Variants in TLL2 observed in about 807,000 individuals in gnomAD.
The protein encoded by TLL2 is tolloid like 2, also known as tolloid-like protein 2.
TLL2 carries 106 observed loss-of-function variants against 123.0 expected under a neutral mutation model. The observed-to-expected ratio is 0.86, with a 90% CI of 0.74 to 1.01. The LOEUF is 1.01. TLL2 is among the 50% of genes least tolerant of loss of function. The pLI is 0.00. For synonymous variants in TLL2, 494 were observed against 516.8 expected (o/e 0.96, Z 0.60); for missense variants, 1,332 against 1,336.7 (o/e 1.00, Z 0.06).
Position 96,459,788 on chromosome 10 carries a change from T to C in TLL2, c.287-13620A>G, listed in dbSNP as rs981611795. Among the ~76,000 whole-genome samples, 13 of 128,472 alleles carry C rather than the reference T, an allele frequency of 1.0e-4. No individual in the cohort carries two copies. In the Admixed American group the frequency reaches 1.2e-3, roughly 11 times the overall value. 84.3% of individuals were successfully genotyped at this position (128,472 alleles called of 152,430 possible). A position where few individuals can be genotyped will look rare whatever the true frequency, so the allele number is the denominator to read the frequency against. Reference sequence around the variant, plus strand: ...TGGATATAAATGCTAACTCTATATATAAAAACACACTCTCTGATAGAGGAG... The same window carrying C: ...TGGATATAAATGCTAACTCTATATACAAAAACACACTCTCTGATAGAGGAG... On this transcript the variant is annotated intron_variant, in intron 2 of 20. Coordinates refer to ENST00000357947, the MANE Select transcript of TLL2 (RefSeq NM_012465.4).
intron 1 of TLL2, among the ~76,000 whole-genome samples, chr10:96,484,224 C>G (rs974010038): frequency 6.6e-6 from 1 of 152,114 alleles, no homozygotes; most frequent in African/African-American, 2.4e-5. Flanking sequence ...AGACCCAGCA[C>G]ATGGTTTGCC....
chr10:96,487,545 G>A (rs1847369398), intron 1 of TLL2, among the ~76,000 whole-genome samples: 1 of 152,176 alleles, frequency 6.6e-6, no homozygotes, highest in African/African-American at 2.4e-5. Context: ...ATTGGCAGGG[G>A]TAGGGGTGGG....
chr10:96,445,879 G>C (rs1250658155), intron 3 of TLL2, among the ~76,000 whole-genome samples: 1 of 152,194 alleles, frequency 6.6e-6, no homozygotes, highest in Non-Finnish European at 1.5e-5. Flanking sequence ...AGGGAAGGGA[G>C]AATGGGAGTG....
chr10:96,435,942 G>A (rs1846791510), intron 3 of TLL2, among the ~76,000 whole-genome samples: 2 of 152,144 alleles, frequency 1.3e-5, no homozygotes, highest in African/African-American at 4.8e-5. Context: ...GTTCCATTTA[G>A]ACTTTCTTCT....
chr10:96,396,113 C>A (rs1846337582), intron 11 of TLL2, 93 bp from the exon 12 acceptor site: 1 of 1,498,268 alleles, frequency 6.7e-7, no homozygotes, highest in Non-Finnish European at 9.0e-7. Context: ...ACAGCGCTTG[C>A]CACCACTAGG....
intron 2 of TLL2, among the ~76,000 whole-genome samples, chr10:96,450,767 C>T (rs1342087505): frequency 6.6e-6 from 1 of 152,094 alleles, no homozygotes; most frequent in Non-Finnish European, 1.5e-5. Context: ...CAGCCTGATG[C>T]AGACAAAGAC....
chr10:96,471,553 G>A (rs1395324442), intron 2 of TLL2, among the ~76,000 whole-genome samples: 3 of 152,242 alleles, frequency 2.0e-5, no homozygotes, highest in African/African-American at 7.2e-5. Flanking sequence ...GGCCAACCCT[G>A]CGGGTATTAC....
At chr10:96,500,026 A>G (rs1267614080) in intron 1 of TLL2, among the ~76,000 whole-genome samples, 1 of 151,120 alleles carries the variant, frequency 6.6e-6, no homozygotes, top group Non-Finnish European at 1.5e-5. Flanking sequence ...CACACCTGTA[A>G]TCCCAGCACT....
At position 96,384,717 on chromosome 10, in the gene TLL2, G is replaced by A; in HGVS notation, c.2064C>T (p.Ala688=). 6.2e-7 allele frequency: 1 copy of A among 1,611,280 alleles called. No individual in the cohort carries two copies. Among genetic ancestry groups the A allele is most frequent in the Non-Finnish European group, 8.5e-7 (1 of 1,178,268 alleles). The change falls in exon 16 of 21, where the codon GCC becomes GCT. Residue 688 remains alanine (A), a synonymous_variant. Coordinates refer to ENST00000357947, the MANE Select transcript of TLL2 (RefSeq NM_012465.4). ...VEVRSGLSPD[A]KLHGRFCGSE... ...AGCCGCAGAACCTGCCGTGCAGCTT[G>A]GCGTCGGGGGACAGGCCGCTGCGCA...
At chr10:96,446,346 G>A (rs1018430391) in intron 2 of TLL2, among the ~76,000 whole-genome samples, 178 bp from the exon 3 acceptor site, 1 of 152,202 alleles carries the variant, frequency 6.6e-6, no homozygotes, top group Non-Finnish European at 1.5e-5. Flanking sequence ...TTCTAGATGT[G>A]AGGGCAAAAA....
chr10:96,403,858 G>A (rs1012751528), intron 10 of TLL2, among the ~76,000 whole-genome samples: 1 of 152,120 alleles, frequency 6.6e-6, no homozygotes, highest in Non-Finnish European at 1.5e-5. Context: ...GTGGTGGGAG[G>A]CAAGATATGT....
chr10:96,440,231 G>A (rs1846838051), intron 3 of TLL2, among the ~76,000 whole-genome samples: 1 of 152,226 alleles, frequency 6.6e-6, no homozygotes, highest in African/African-American at 2.4e-5. Flanking sequence ...GAAGCTCCAT[G>A]AGGGCAAGAA....
At chr10:96,476,857 TACACACACAC>T (rs56240059) in intron 2 of TLL2, among the ~76,000 whole-genome samples, 91 of 117,340 alleles carry the variant, frequency 7.8e-4, no homozygotes, top group Middle Eastern at 8.3e-3. Context: ...CCTTTTATGT[TACACACACAC>T]ACACACACAC....
At chr10:96,392,834 G>A (rs554819404) in intron 13 of TLL2, among the ~76,000 whole-genome samples, 1 of 152,292 alleles carries the variant, frequency 6.6e-6, no homozygotes, top group African/African-American at 2.4e-5. Context: ...GAAGGACTCT[G>A]CAGGTGTGGT....
chr10:96,486,849 G>T (rs1301786638), intron 1 of TLL2, among the ~76,000 whole-genome samples: 1 of 152,206 alleles, frequency 6.6e-6, no homozygotes. Context: ...AAAGTCACAG[G>T]GCTGCTGGGA....
At chr10:96,484,254 C>G (rs931618818) in intron 1 of TLL2, among the ~76,000 whole-genome samples, 1 of 150,810 alleles carries the variant, frequency 6.6e-6, no homozygotes, top group African/African-American at 2.5e-5. Context: ...TTTCCCAAAG[C>G]CATAAGACAA....
In TLL2 at chr10:96,395,915, G is replaced by A. The variant is rs777124642; in HGVS notation, c.1490C>T (p.Ser497Leu). 6 of 1,614,190 alleles carry A rather than the reference G, an allele frequency of 3.7e-6. No homozygotes were observed. In the South Asian group the frequency reaches 6.6e-5, roughly 18 times the overall value. The change falls in exon 12 of 21, where the codon TCA becomes TTA. Residue 497 changes from serine to leucine, a missense_variant. Physicochemically the swap from Ser to Leu is moderately radical, Grantham distance 145. Coordinates refer to ENST00000357947, the MANE Select transcript of TLL2 (RefSeq NM_012465.4). ...SKECVWRITV[S>L]EGFHVGLTFQ... Reference sequence around the variant, plus strand: ...GGTAAGTCCCACGTGAAACCCCTCTGAAACCGTAATCCTCCAGACACATTC... The same window carrying A: ...GGTAAGTCCCACGTGAAACCCCTCTAAAACCGTAATCCTCCAGACACATTC...
intron 14 of TLL2, among the ~76,000 whole-genome samples, 154 bp downstream of exon 14, chr10:96,386,799 G>C (rs771130293): frequency 3.3e-5 from 5 of 152,186 alleles, no homozygotes; most frequent in African/African-American, 4.8e-5. Flanking sequence ...CTGTCAGGCT[G>C]TTTCTCCTTC....
intron 5 of TLL2, among the ~76,000 whole-genome samples, chr10:96,427,524 C>T (rs973030814): frequency 2.6e-5 from 4 of 152,178 alleles, no homozygotes; most frequent in Non-Finnish European, 2.9e-5. Flanking sequence ...TGCATGAAGA[C>T]TTATGACAGT....
Sources: allele counts gnomAD v4.1 joint callset (sites outside exome capture counted in the v4.1 genomes callset), GRCh38; gene constraint gnomAD v4.1.1; transcripts MANE v1.5; gene names NCBI Gene and HGNC (gene_info 2026-07-23, HGNC 2026-07-21).